HELZ2: variants seen among roughly 807,000 people sequenced by gnomAD.
HELZ2 encodes helicase with zinc finger 2.
In HELZ2, 143 loss-of-function variants were observed where a neutral mutation model predicts 208.8. The ratio of observed to expected loss-of-function variants is 0.68; its 90% CI spans 0.60 to 0.79. The LOEUF is 0.79. HELZ2 is among the 30% of genes least tolerant of loss of function. HELZ2 has a pLI of 0.00. For missense variants in HELZ2, 3,690 were observed against 3,794.5 expected, an observed-to-expected ratio of 0.97 and a Z score of 0.72; for synonymous variants, 1,705 against 1,693.7, an observed-to-expected ratio of 1.01 and a Z score of -0.16.
At position 63,560,862 on chromosome 20, in the gene HELZ2, C is replaced by T. The variant is rs142409529; in HGVS notation, c.7214G>A (p.Gly2405Asp). 1,721 of 1,613,286 alleles carry T rather than the reference C, an allele frequency of 1.1e-3. 6 individuals carry two copies. The highest frequency in any genetic ancestry group is 1.7e-3 in the Admixed American group (100 of 60,002). Residue 2405 changes from glycine to aspartate, a missense_variant, in exon 15 of 19, where the codon GGT becomes GAT. Coordinates refer to ENST00000467148, the Ensembl canonical transcript of HELZ2. ...CCGCTCGAACAGAGACCGGTCCAGA[C>T]CCAGGTTTTGCAGCCGCTCATTCTT... is the stretch of plus-strand genomic sequence containing the variant.
exon 17 of HELZ2, chr20:63,560,220 C>T (rs2082870828): frequency 1.3e-6 from 2 of 1,558,170 alleles, no homozygotes; most frequent in East Asian, 4.8e-5. Context: ...TGCCCTCTCG[C>T]CGAAGGGCCT....
exon 4 of HELZ2, chr20:63,569,634 T>C: frequency 6.5e-7 from 1 of 1,544,756 alleles, no homozygotes; most frequent in Non-Finnish European, 8.7e-7. Context: ...TCCTGGCTCC[T>C]GCTTCAGCAG....
chr20:63,560,923 G>A, exon 15 of HELZ2: 1 of 1,612,710 alleles, frequency 6.2e-7, no homozygotes, highest in Non-Finnish European at 8.5e-7. Context: ...TCTCCGAGAA[G>A]AACCACCTGG....
At chr20:63,559,956 C>T (rs757532288) in exon 18 of HELZ2, 8 of 1,611,518 alleles carry the variant, frequency 5.0e-6, no homozygotes, top group South Asian at 3.3e-5. Flanking sequence ...CCTGGGCCCG[C>T]GTGACAGCCA....
intron 3 of HELZ2, 105 bp from the exon 5 acceptor site, chr20:63,569,770 T>C: frequency 1.6e-6 from 2 of 1,224,822 alleles, no homozygotes; most frequent in Non-Finnish European, 2.2e-6. Flanking sequence ...GTCCTGGCCC[T>C]GCCACTTCCT....
chr20:63,571,119 C>A, intron 1 of HELZ2: 1 of 475,862 alleles, frequency 2.1e-6, no homozygotes, highest in East Asian at 3.4e-5. Context: ...GTCCACTGAA[C>A]CTGGGAGCCT....
chr20:63,561,454 C>T lies in HELZ2; in HGVS notation c.6849G>A (p.Leu2283=), dbSNP rs753656873. The T allele has an allele frequency of 6.8e-6, 11 of 1,608,688 alleles. No homozygotes were observed. The Middle Eastern group carries it at 6.6e-4, about 96-fold the overall frequency. Residue 2283 remains leucine (L), a synonymous_variant, in exon 13 of 19, where the codon CTG becomes CTA. Transcript: ENST00000467148. ...TGGGGGCCTGCCGGATCCGGTGGTG[C>T]AGGGTGATGCTCCTGGGGGACAGGA...
intron 7 of HELZ2, 49 bp from the exon 9 acceptor site, chr20:63,566,280 A>G: frequency 6.7e-7 from 1 of 1,486,266 alleles, no homozygotes; most frequent in Non-Finnish European, 9.0e-7. Context: ...AGACGGTGGG[A>G]CCAGCCCCAC....
At position 63,572,107 on chromosome 20, in the gene HELZ2, C is replaced by T. The variant is rs1366319785; in HGVS notation, c.278+1G>A. 3 of 1,606,926 alleles carry T rather than the reference C, an allele frequency of 1.9e-6. No individual in the cohort carries two copies. The highest frequency in any genetic ancestry group is 2.2e-5 in the East Asian group (1 of 44,756). ...CAAGCTCCTGCCTCGAGTATCCTTA[C>T]TTTGGGCAGAGCTCGAACTTGGAGA... On this transcript the variant is annotated splice_donor_variant, in intron 1 of 18. Coordinates refer to ENST00000467148, the Ensembl canonical transcript of HELZ2. LOFTEE classifies it high-confidence loss of function.
At position 63,568,811 on chromosome 20, in the gene HELZ2, G is replaced by A. The variant is rs115910887; in HGVS notation, c.1277C>T (p.Pro426Leu). The A allele has an allele frequency of 2.6e-4, 418 of 1,612,190 alleles. 2 individuals are homozygous for A. The African/African-American group carries it at 5.2e-3, about 20-fold the overall frequency. The stretch of plus-strand genomic sequence containing the variant: ...CCGCACCTCGAACACCGTATTGTCG[G>A]GTGCAGGTACAGGGGCCACCAGGGC... The change falls in exon 5 of 19, where the codon CCC (proline) becomes CTC (leucine). Residue 426 changes from proline (P) to leucine (L), a missense_variant. Coordinates refer to ENST00000467148, the Ensembl canonical transcript of HELZ2.
chr20:63,572,318 G>C (rs533207305), exon 1 of HELZ2: 6 of 1,586,550 alleles, frequency 3.8e-6, no homozygotes, highest in South Asian at 1.1e-5. Flanking sequence ...GTCGCCATCA[G>C]GGGCAGGGGG....
exon 1 of HELZ2, chr20:63,572,200 C>T (rs367815598): frequency 6.8e-5 from 110 of 1,606,650 alleles, no homozygotes; most frequent in South Asian, 3.3e-4. Context: ...GTGCGTGCTC[C>T]GAGGATGCGC....
chr20:63,572,369 G>A (rs937076316), exon 1 of HELZ2: 6 of 1,547,264 alleles, frequency 3.9e-6, no homozygotes, highest in South Asian at 1.2e-5. Flanking sequence ...CAGCTGCTCG[G>A]CCTCCCACAC....
chr20:63,562,424 AG>A lies in HELZ2; in HGVS notation c.6303-43del, dbSNP rs1388471639. On this transcript the variant is annotated intron_variant, in intron 8 of 18. Transcript: ENST00000467148. ...ACACTGGAAAACCAACAGGACTCCC[AG>A]GAAAGGGGCTGCTGCCCCACGAGCT... The A allele has an allele frequency of 1.9e-6, 3 of 1,546,724 alleles. No individual in the cohort carries two copies. In the African/African-American group the frequency reaches 4.1e-5, roughly 21 times the overall value.
intron 14 of HELZ2, 32 bp from the exon 16 acceptor site, chr20:63,560,961 C>A: frequency 6.2e-7 from 1 of 1,607,132 alleles, no homozygotes; most frequent in Non-Finnish European, 8.5e-7. Context: ...GCCCTGACAC[C>A]CCTAGACCCA....
chr20:63,569,662 G>C (rs1035506792), exon 4 of HELZ2: 8 of 1,523,818 alleles, frequency 5.2e-6, no homozygotes, highest in Non-Finnish European at 7.1e-6. Flanking sequence ...TGTAGCAGGG[G>C]CTCCTGGAGA....
intron 11 of HELZ2, 30 bp from the exon 13 acceptor site, chr20:63,561,775 C>T (rs753906708): frequency 1.9e-6 from 3 of 1,562,576 alleles, no homozygotes; most frequent in African/African-American, 2.7e-5. Flanking sequence ...GTGAGTCCTG[C>T]CCCGCGTGCC....
chr20:63,567,337 T>G, exon 6 of HELZ2: 1 of 1,607,048 alleles, frequency 6.2e-7, no homozygotes, highest in Non-Finnish European at 8.5e-7. Context: ...GGCCTCGCAC[T>G]CCAGCATCTG....
At chr20:63,566,142 C>G in exon 8 of HELZ2, 1 of 1,565,414 alleles carries the variant, frequency 6.4e-7, no homozygotes. Context: ...ACGCGGGCGT[C>G]GGTGAAGAAC....
Sources: gnomAD v4.1 joint callset for allele counts on GRCh38, gnomAD v4.1.1 for gene constraint, MANE v1.5 for transcripts, NCBI Gene and HGNC (gene_info 2026-07-23, HGNC 2026-07-21) for gene names.